The following COL18A1 variants were observed in gnomAD, a reference collection of about 807,000 sequenced individuals.
The protein encoded by COL18A1 is collagen type XVIII alpha 1 chain, also known as collagen alpha-1(XVIII) chain.
In COL18A1, 133 loss-of-function variants were observed where a neutral mutation model predicts 168.0. That is an observed-to-expected ratio of 0.79 (90% CI 0.69 to 0.91). The LOEUF (loss-of-function observed/expected upper bound fraction) is 0.91. COL18A1 is among the 40% of genes least tolerant of loss of function. The pLI, the probability that COL18A1 is intolerant of heterozygous loss-of-function variation, is 0.00. For synonymous variants in COL18A1, 949 were observed against 809.0 expected, an observed-to-expected ratio of 1.17 and a Z score of -2.94; for missense variants, 2,126 against 1,925.4, an observed-to-expected ratio of 1.10 and a Z score of -1.95.
At position 45,506,332 on chromosome 21, in the gene COL18A1, T is replaced by G. The variant is rs1020428906; in HGVS notation, c.3216+366T>G. 5.3e-5 allele frequency: 19 copies of G among 360,656 alleles called. No homozygotes were observed. In the East Asian group the frequency reaches 9.9e-4, roughly 19 times the overall value. The allele number at this position is 360,656 out of a possible 1,614,324, so 22.3% of individuals were successfully genotyped here. A position where few individuals can be genotyped will look rare whatever the true frequency, so the allele number is the denominator to read the frequency against. On this transcript the variant is annotated intron_variant, in intron 37 of 41. Transcript: ENST00000651438. ...TCAGGCCCTCCAGGGCCACGTGACG[T>G]CCACAGCACGGCCCCGGCTGGGGGG...
At position 45,405,406 on chromosome 21, in the gene COL18A1, G is replaced by GCGC; in HGVS notation, c.41_43dup (p.Arg14dup). 1 of 1,328,466 alleles carries GCGC rather than the reference G, an allele frequency of 7.5e-7. No individual in the cohort carries two copies. Among genetic ancestry groups the GCGC allele is most frequent in the Non-Finnish European group, 9.7e-7 (1 of 1,033,976 alleles). 82.3% of individuals were successfully genotyped at this position (1,328,466 alleles called of 1,614,324 possible). A position where few individuals can be genotyped will look rare whatever the true frequency, so the allele number is the denominator to read the frequency against. On this transcript the variant is annotated inframe_insertion, in exon 2 of 42. Transcript: ENST00000651438. ...GCCCCTGGCCATGGCCGCGGCGGCG[G>GCGC]CGCCTCCTGGACGTGCTCGCGCCCC...
chr21:45,482,255 C>T (rs1225947782), intron 14 of COL18A1: 5 of 630,464 alleles, frequency 7.9e-6, no homozygotes, highest in Admixed American at 5.1e-5. Context: ...GTTTTAAGAA[C>T]ATGGGCACCC....
intron 28 of COL18A1, 141 bp downstream of exon 28, chr21:45,495,056 T>A: frequency 1.3e-6 from 1 of 769,744 alleles, no homozygotes; most frequent in Non-Finnish European, 2.2e-6. Context: ...CGGCCCTGCC[T>A]GAGCGCAGCT....
At chr21:45,484,902 C>A (rs937919003) in intron 15 of COL18A1, among the ~76,000 whole-genome samples, 1 of 151,970 alleles carries the variant, frequency 6.6e-6, no homozygotes, top group Non-Finnish European at 1.5e-5. Flanking sequence ...TTTAAAAAAA[C>A]AAAAATGTCA....
chr21:45,499,831 A>G (rs1673638708), intron 32 of COL18A1, among the ~76,000 whole-genome samples: 1 of 152,218 alleles, frequency 6.6e-6, no homozygotes, highest in African/African-American at 2.4e-5. Flanking sequence ...TAGATCCAAA[A>G]GAAGGCAAAA....
chr21:45,494,719 T>A, intron 27 of COL18A1, 143 bp from the exon 28 acceptor site: 1 of 1,355,404 alleles, frequency 7.4e-7, no homozygotes, highest in Non-Finnish European at 1.0e-6. Flanking sequence ...GGTGTCGGCG[T>A]GAGGCTGCAG....
At position 45,432,638 on chromosome 21, in the gene COL18A1, A is replaced by G. The variant is rs543201176; in HGVS notation, c.106+27165A>G. Among the ~76,000 whole-genome samples, 5 of 152,378 alleles carry G rather than the reference A, an allele frequency of 3.3e-5. No individual in the cohort carries two copies. In the East Asian group the frequency reaches 9.7e-4, roughly 29 times the overall value. ...GCATCTGGACCATACTGCTGGGGTC[A>G]GAGCGCGGCAGGACAATGGCCAGTT... On this transcript the variant is annotated intron_variant, in intron 2 of 41. Transcript: ENST00000651438.
chr21:45,459,609 G>A (rs1046925940), intron 2 of COL18A1, among the ~76,000 whole-genome samples: 1 of 152,254 alleles, frequency 6.6e-6, no homozygotes, highest in African/African-American at 2.4e-5. Flanking sequence ...GGCGCTCAAA[G>A]GGAGGGTGAA....
At chr21:45,441,455 G>A in intron 2 of COL18A1, among the ~76,000 whole-genome samples, 1 of 152,168 alleles carries the variant, frequency 6.6e-6, no homozygotes, top group East Asian at 1.9e-4. Flanking sequence ...TGCCCCAGCA[G>A]CTGCCTCCAG....
At chr21:45,434,981 G>T (rs894846937) in intron 2 of COL18A1, among the ~76,000 whole-genome samples, 2 of 152,084 alleles carry the variant, frequency 1.3e-5, no homozygotes, top group Non-Finnish European at 2.9e-5. Context: ...GGAAGCCGGG[G>T]GCTGGTTCTG....
chr21:45,506,481 T>A (rs993067573), intron 37 of COL18A1: 5 of 243,424 alleles, frequency 2.1e-5, no homozygotes, highest in East Asian at 1.0e-4. Flanking sequence ...GGATTGCCCC[T>A]TCCAGGACAG....
At chr21:45,507,259 G>A in intron 37 of COL18A1, 1 of 472,996 alleles carries the variant, frequency 2.1e-6, no homozygotes, top group East Asian at 3.9e-5. Context: ...TGCTGGGCAG[G>A]GAGGGCAACC....
rs1399595323 is a variant in COL18A1, at chr21:45,486,876, C to T, written c.1717C>T (p.Pro573Ser). 2.0e-6 allele frequency: 3 copies of T among 1,528,418 alleles called. No individual in the cohort carries two copies. Among genetic ancestry groups the T allele is most frequent in the Non-Finnish European group, 2.6e-6 (3 of 1,138,352 alleles). The allele number at this position is 1,528,418 out of a possible 1,614,324, so 94.7% of individuals were successfully genotyped here. The change falls in exon 16 of 42, where the codon CCC becomes TCC. Residue 573 changes from proline to serine, a missense_variant. Physicochemically the swap from Pro to Ser is moderately conservative, Grantham distance 74 (BLOSUM62 -1). Coordinates refer to ENST00000651438, the MANE Select transcript of COL18A1 (RefSeq NM_001379500.1). Reference protein sequence around the residue: ...APGHKGSKGAPGPAGARGESG... With the variant: ...APGHKGSKGASGPAGARGESG... ...CCCCACGCAGGGGAGCAAGGGAGCC[C>T]CCGGTCCTGCTGGTGCTCGTGGGGA...
intron 2 of COL18A1, among the ~76,000 whole-genome samples, chr21:45,439,722 C>T (rs1042103555): frequency 1.4e-5 from 2 of 146,096 alleles, no homozygotes; most frequent in Non-Finnish European, 3.1e-5. Context: ...CGGCTTTGGG[C>T]GCGTGCAGCA....
chr21:45,495,242 T>C (rs988625454), intron 28 of COL18A1, 116 bp from the exon 29 acceptor site: 1 of 850,198 alleles, frequency 1.2e-6, no homozygotes, highest in Non-Finnish European at 1.9e-6. Flanking sequence ...TGGGAACGTG[T>C]GAGGCTGAGC....
chr21:45,488,517 G>T, intron 18 of COL18A1, 73 bp downstream of exon 18: 1 of 1,609,818 alleles, frequency 6.2e-7, no homozygotes, highest in Non-Finnish European at 8.5e-7. Flanking sequence ...GGCTGGGGGA[G>T]ACAGGGCCTT....
chr21:45,421,996 C>T (rs569874433), intron 2 of COL18A1, among the ~76,000 whole-genome samples: 12 of 152,140 alleles, frequency 7.9e-5, no homozygotes, highest in Non-Finnish European at 1.5e-4. Flanking sequence ...CACAGACACA[C>T]GCTCGGGCCG....
rs1279341205 is a variant in COL18A1 at position 45,456,517 on chromosome 21, C to T, written c.107-11725C>T. On this transcript the variant is annotated intron_variant, in intron 2 of 41. Coordinates refer to ENST00000651438, the MANE Select transcript of COL18A1 (RefSeq NM_001379500.1). The stretch of plus-strand genomic sequence containing the variant: ...CCCTGCTCGGGGCTGACCCCGAGGC[C>T]CCCGCCGGTCGCTGCCTGCCCCTGC... 3 of 1,548,208 alleles carry T rather than the reference C, an allele frequency of 1.9e-6. No homozygotes were observed. The East Asian group carries it at 7.3e-5, about 38-fold the overall frequency.
rs2033677190 is a variant in COL18A1, at chr21:45,423,088, A to C, written c.106+17615A>C. Among the ~76,000 whole-genome samples, 1 of 152,132 alleles carries C rather than the reference A, an allele frequency of 6.6e-6. No individual in the cohort carries two copies. Among genetic ancestry groups the C allele is most frequent in the South Asian group, 2.1e-4 (1 of 4,832 alleles). ...ATCTCCTTCCCAGAGTGTTGGGATT[A>C]TAGGTGTGAGCCACCGCACCCGGCC... On this transcript the variant is annotated intron_variant, in intron 2 of 41. Coordinates refer to ENST00000651438, the MANE Select transcript of COL18A1 (RefSeq NM_001379500.1). The surrounding 1 kb of genome is among the most constrained non-coding windows in gnomAD (Gnocchi z 4.0).
Sources: gnomAD v4.1 joint callset for allele counts (sites outside exome capture counted in the v4.1 genomes callset) on GRCh38, gnomAD v4.1.1 for gene constraint, Gnocchi (gnomAD v3.1) non-coding constraint, MANE v1.5 for transcripts, NCBI Gene and HGNC (gene_info 2026-07-23, HGNC 2026-07-21) for gene names.